The following SLC6A16 variants were observed in gnomAD, a reference collection of about 807,000 sequenced individuals.
SLC6A16 encodes the protein solute carrier family 6 member 16, also known as orphan sodium- and chloride-dependent neurotransmitter transporter NTT5.
Under a neutral mutation model 65.4 loss-of-function variants are expected in SLC6A16, and 54 were observed. The ratio of observed to expected loss-of-function variants is 0.83; its 90% confidence interval spans 0.66 to 1.04. The LOEUF (loss-of-function observed/expected upper bound fraction) is 1.04. SLC6A16 is among the 50% of genes least tolerant of loss of function. The pLI, the probability that SLC6A16 is intolerant of heterozygous loss-of-function variation, is 0.00. For missense variants in SLC6A16, 816 were observed against 914.0 expected (o/e 0.89, Z 1.38); for synonymous variants, 330 against 346.5 (o/e 0.95, Z 0.53).
chr19:49,319,956 C>T (rs1166910025), intron 1 of SLC6A16, among the ~76,000 whole-genome samples: 1 of 152,026 alleles, frequency 6.6e-6, no homozygotes, highest in African/African-American at 2.4e-5. Flanking sequence ...AATTAAACAA[C>T]ACACTCTTAA....
the SLC6A16 span, chr19:49,339,411 G>C: frequency 6.2e-7 from 1 of 1,613,336 alleles, no homozygotes; most frequent in African/African-American, 1.3e-5. This position sits in a 1 kb window ranked among gnomAD's most constrained non-coding sequence, Gnocchi z 4.5. Context: ...CGGCCTACTC[G>C]AGGTGATCTG....
chr19:49,337,321 G>A, the SLC6A16 span: 3 of 1,140,706 alleles, frequency 2.6e-6, no homozygotes, highest in East Asian at 7.1e-5. Context: ...GGCAGACAGG[G>A]GCTAACCTAG....
the SLC6A16 span, chr19:49,339,868 A>G: frequency 3.0e-6 from 4 of 1,337,462 alleles, no homozygotes; most frequent in Non-Finnish European, 3.9e-6. The surrounding 1 kb of genome is among the most constrained non-coding windows in gnomAD (Gnocchi z 4.5). Flanking sequence ...CAAGCTGCCC[A>G]TGGCCCTGGG....
chr19:49,338,696 C>A, the SLC6A16 span: 1 of 1,607,086 alleles, frequency 6.2e-7, no homozygotes, highest in Non-Finnish European at 8.5e-7. The surrounding 1 kb of genome is among the most constrained non-coding windows in gnomAD (Gnocchi z 5.0). Flanking sequence ...TATCCCTCTC[C>A]CAGCTGCGCT....
At chr19:49,323,410 G>A (rs1295930655) in intron 1 of SLC6A16, among the ~76,000 whole-genome samples, 1 of 152,122 alleles carries the variant, frequency 6.6e-6, no homozygotes, top group Admixed American at 6.5e-5. Flanking sequence ...CACTATCAAA[G>A]GGGTGAAAAG....
At chr19:49,337,887 G>A in the SLC6A16 span, 12 of 1,612,268 alleles carry the variant, frequency 7.4e-6, no homozygotes, top group South Asian at 1.1e-5. Context: ...GGGGTGGGGC[G>A]GGGAAGATAA....
Position 49,309,650 on chromosome 19 carries a change from C to T in SLC6A16, c.876+1G>A. 3.1e-6 allele frequency: 5 copies of T among 1,611,676 alleles called. No homozygotes were observed. The highest frequency in any genetic ancestry group is 1.3e-5 in the African/African-American group (1 of 74,976). Reference sequence around the variant, plus strand: ...CAAGGAATCCAATACTGGTGGCTCACCTTCCCAGTGGACTTGAGCCCATTG... The same window carrying T: ...CAAGGAATCCAATACTGGTGGCTCATCTTCCCAGTGGACTTGAGCCCATTG... On this transcript the variant is annotated splice_donor_variant, in intron 5 of 11. Coordinates refer to ENST00000335875, the MANE Select transcript of SLC6A16 (RefSeq NM_014037.3). LOFTEE classifies it high-confidence loss of function.
rs536909742 is a variant in SLC6A16, at chr19:49,322,817, C to CTTTT, written c.-65+2227_-65+2230dup. ...CCAAAGCAATCTACAGAATTAGTAG[C>CTTTT]TTTTTTTTTTTTTTTTTTTTTTTTT... On this transcript the variant is annotated intron_variant, in intron 1 of 11. Transcript: ENST00000335875. Among the ~76,000 whole-genome samples, 15 of 42,004 alleles carry CTTTT rather than the reference C, an allele frequency of 3.6e-4. 7 individuals are homozygous for CTTTT. Among genetic ancestry groups the CTTTT allele is most frequent in the Non-Finnish European group, 5.8e-4 (13 of 22,316 alleles). 27.6% of individuals were successfully genotyped at this position (42,004 alleles called of 152,430 possible).
At chr19:49,337,724 G>A in the SLC6A16 span, 1 of 1,535,356 alleles carries the variant, frequency 6.5e-7, no homozygotes, top group African/African-American at 1.4e-5. Context: ...TAGACGCCCT[G>A]AAAGAAGAGA....
At chr19:49,318,729 C>T (rs1050404590) in intron 1 of SLC6A16, among the ~76,000 whole-genome samples, 3 of 152,212 alleles carry the variant, frequency 2.0e-5, no homozygotes, top group African/African-American at 7.2e-5. Context: ...TAGATATTTT[C>T]TCTTTTGAGA....
At position 49,310,521 on chromosome 19, in the gene SLC6A16, G is replaced by A; in HGVS notation, c.416-11C>T. 1 of 1,613,984 alleles carries A rather than the reference G, an allele frequency of 6.2e-7. No homozygotes were observed. The highest frequency in any genetic ancestry group is 8.5e-7 in the Non-Finnish European group (1 of 1,180,004). ...TGGCAGCGAAACTGCCTGTGAAGAA[G>A]ATTCAGAAGGGACTCTGAGAACCAT... is the stretch of plus-strand genomic sequence containing the variant. On this transcript the variant is annotated splice_polypyrimidine_tract_variant and intron_variant, in intron 2 of 11. Transcript: ENST00000335875.
chr19:49,313,001 T>G (rs1970549769), intron 1 of SLC6A16, among the ~76,000 whole-genome samples: 1 of 146,280 alleles, frequency 6.8e-6, no homozygotes. Flanking sequence ...GAGGATCGTT[T>G]GAACACAGGA....
chr19:49,312,230 C>G (rs1970536742), intron 1 of SLC6A16, among the ~76,000 whole-genome samples: 1 of 152,118 alleles, frequency 6.6e-6, no homozygotes, highest in Non-Finnish European at 1.5e-5. Flanking sequence ...CAAAACTAAA[C>G]TAAACTAAAC....
the SLC6A16 span, chr19:49,332,130 C>T: frequency 2.2e-6 from 1 of 456,682 alleles, no homozygotes; most frequent in South Asian, 1.5e-5. Context: ...GAGAGAAAAT[C>T]AGTTCTTTGC....
the SLC6A16 span, chr19:49,337,274 G>A: frequency 3.9e-6 from 6 of 1,536,240 alleles, no homozygotes; most frequent in African/African-American, 2.7e-5. Context: ...GAGAGGGAAG[G>A]GAGTGGTGGG....
At chr19:49,303,302 T>A (rs989031237) in intron 7 of SLC6A16, among the ~76,000 whole-genome samples, 6 of 151,558 alleles carry the variant, frequency 4.0e-5, no homozygotes, top group African/African-American at 1.5e-4. Flanking sequence ...CAGGAGAGAG[T>A]AAGATGATAT....
At chr19:49,314,703 A>G (rs1319352694) in intron 1 of SLC6A16, among the ~76,000 whole-genome samples, 2 of 152,216 alleles carry the variant, frequency 1.3e-5, no homozygotes, top group Non-Finnish European at 2.9e-5. Flanking sequence ...AACTCCTGAT[A>G]CAATGCATTA....
the SLC6A16 span, chr19:49,335,995 C>CTCAAGCACTTCCTATCTG: frequency 3.4e-6 from 2 of 595,442 alleles, no homozygotes. The surrounding 1 kb of genome is among the most constrained non-coding windows in gnomAD (Gnocchi z 4.6). Flanking sequence ...AGAGCCATTT[C>CTCAAGCACTTCCTATCTG]TCAAGCACTT....
chr19:49,335,740 C>T, the SLC6A16 span: 10 of 1,613,420 alleles, frequency 6.2e-6, no homozygotes, highest in African/African-American at 2.7e-5. This position sits in a 1 kb window ranked among gnomAD's most constrained non-coding sequence, Gnocchi z 4.6. Context: ...TCTTCTGCTT[C>T]GGCATCTGGA....
Sources: gnomAD v4.1 joint callset for allele counts (sites outside exome capture counted in the v4.1 genomes callset) on GRCh38, gnomAD v4.1.1 for gene constraint, Gnocchi (gnomAD v3.1) non-coding constraint, MANE v1.5 for transcripts, NCBI Gene and HGNC (gene_info 2026-07-23, HGNC 2026-07-21) for gene names.